Variants in PCDHGA3 observed in about 807,000 individuals in gnomAD.
The protein encoded by PCDHGA3 is protocadherin gamma-A3.
Under a neutral mutation model 58.5 loss-of-function variants are expected in PCDHGA3, and 40 were observed. The observed-to-expected ratio is 0.68, with a 90% CI of 0.53 to 0.89. The LOEUF (loss-of-function observed/expected upper bound fraction) is 0.89, where lower values mean the gene tolerates loss of function less well. PCDHGA3 is among the 40% of genes least tolerant of loss of function. The probability of loss-of-function intolerance (pLI) is 0.00; values close to 1 mark genes in which losing one functional copy is unlikely to be tolerated. For synonymous variants in PCDHGA3, 530 were observed against 525.7 expected (o/e 1.01, Z -0.11); for missense variants, 1,223 against 1,195.9 (o/e 1.02, Z -0.33).
intron 1 of PCDHGA3, chr5:141,361,485 A>G (rs1762045132): frequency 1.9e-6 from 3 of 1,614,034 alleles, no homozygotes; most frequent in Non-Finnish European, 2.5e-6. Flanking sequence ...ATAATGCCCC[A>G]GTTTTCCAAC....
intron 1 of PCDHGA3, among the ~76,000 whole-genome samples, chr5:141,454,773 G>A (rs1272535268): frequency 6.9e-6 from 1 of 144,540 alleles, no homozygotes; most frequent in East Asian, 2.0e-4. Flanking sequence ...TTTTTTACAA[G>A]GAAATAATCC....
chr5:141,392,865 G>A, intron 1 of PCDHGA3: 1 of 1,613,006 alleles, frequency 6.2e-7, no homozygotes, highest in Non-Finnish European at 8.5e-7. Flanking sequence ...CCTGCTGTGC[G>A]CGCTGCTGGG....
chr5:141,349,649 A>G (rs1758332167), intron 1 of PCDHGA3, among the ~76,000 whole-genome samples: 1 of 152,212 alleles, frequency 6.6e-6, no homozygotes, highest in Admixed American at 6.5e-5. Flanking sequence ...GATTTAAAAT[A>G]CTAGATAAGG....
chr5:141,366,162 C>A (rs1037452604), intron 1 of PCDHGA3: 1 of 1,614,110 alleles, frequency 6.2e-7, no homozygotes, highest in South Asian at 1.1e-5. Context: ...CTGCTTAAGG[C>A]CAGCGAGCCA....
At chr5:141,347,137 C>CTCTTTCTTTCTCTCTTTCTT (rs1757891131) in intron 1 of PCDHGA3, among the ~76,000 whole-genome samples, 3 of 113,834 alleles carry the variant, frequency 2.6e-5, no homozygotes, top group Non-Finnish European at 5.2e-5. Flanking sequence ...CTCTGTTTCT[C>CTCTTTCTTTCTCTCTTTCTT]TCTTTCTTTC....
intron 1 of PCDHGA3, chr5:141,351,762 T>G (rs762620794): frequency 6.2e-7 from 1 of 1,613,592 alleles, no homozygotes. Context: ...TTGTCCTACG[T>G]GTCCGTGAGC....
intron 1 of PCDHGA3, chr5:141,404,933 A>C (rs2094586796): frequency 6.2e-7 from 1 of 1,613,764 alleles, no homozygotes; most frequent in Non-Finnish European, 8.5e-7. Flanking sequence ...TGTCACGCTC[A>C]CAGTAGCCAT....
intron 1 of PCDHGA3, chr5:141,364,263 G>A (rs997057589): frequency 4.0e-6 from 6 of 1,505,766 alleles, no homozygotes; most frequent in Admixed American, 4.7e-5. Flanking sequence ...TGTACCCATC[G>A]GCTTTAGATA....
At chr5:141,361,413 C>CG (rs1007927822) in intron 1 of PCDHGA3, 1 of 1,614,020 alleles carries the variant, frequency 6.2e-7, no homozygotes. Context: ...CAGCCACCGA[C>CG]GGGGGCAAGC....
intron 1 of PCDHGA3, chr5:141,375,548 T>C (rs748936121): frequency 1.1e-5 from 17 of 1,613,892 alleles, no homozygotes; most frequent in Non-Finnish European, 9.3e-6. Flanking sequence ...CCAAGTCTCC[T>C]ACTCACTGGC....
chr5:141,437,622 A>G (rs1007643306), intron 1 of PCDHGA3, among the ~76,000 whole-genome samples: 2 of 152,192 alleles, frequency 1.3e-5, no homozygotes, highest in Non-Finnish European at 2.9e-5. Flanking sequence ...TTATCCCCAT[A>G]TAAGATGTCA....
chr5:141,491,544 C>G lies in PCDHGA3; in HGVS notation c.2425-3263C>G, dbSNP rs546391464. The G allele has an allele frequency of 1.1e-5, 17 of 1,614,018 alleles. No individual in the cohort carries two copies. In the Admixed American group the frequency reaches 1.8e-4, roughly 17 times the overall value. Reference sequence around the variant, plus strand: ...TGGAGGTGACGCTGCGGCCCACAGACTCGCAGAGCCACTGCTACAGGACGT... The same window carrying G: ...TGGAGGTGACGCTGCGGCCCACAGAGTCGCAGAGCCACTGCTACAGGACGT... On this transcript the variant is annotated intron_variant, in intron 1 of 3. Transcript: ENST00000253812. The surrounding 1 kb of genome is among the most constrained non-coding windows in gnomAD (Gnocchi z 6.9).
At chr5:141,450,730 G>A (rs1046738914) in intron 1 of PCDHGA3, among the ~76,000 whole-genome samples, 10 of 152,024 alleles carry the variant, frequency 6.6e-5, no homozygotes, top group Non-Finnish European at 1.2e-4. Flanking sequence ...CAGGTGATCC[G>A]CCCGCCTTGG....
intron 1 of PCDHGA3, chr5:141,400,304 G>A (rs760976345): frequency 4.3e-6 from 7 of 1,613,930 alleles, no homozygotes; most frequent in African/African-American, 1.3e-5. Context: ...TTCCAACCTG[G>A]TCTCTGTGTC....
intron 1 of PCDHGA3, among the ~76,000 whole-genome samples, chr5:141,363,323 G>T (rs1463680415): frequency 1.3e-5 from 2 of 152,116 alleles, no homozygotes; most frequent in African/African-American, 4.8e-5. Context: ...CTATGAAAGT[G>T]TTATTAAATA....
intron 1 of PCDHGA3, among the ~76,000 whole-genome samples, chr5:141,358,380 A>G (rs58934519): frequency 0.08 from 12,098 of 152,164 alleles, 632 homozygotes; most frequent in African/African-American, 0.15. Flanking sequence ...ACACTCTACC[A>G]TGCTTTGCTT....
At chr5:141,361,802 A>G (rs368923177) in intron 1 of PCDHGA3, 19 of 1,613,052 alleles carry the variant, frequency 1.2e-5, no homozygotes, top group African/African-American at 9.3e-5. Flanking sequence ...GGCGACCTCA[A>G]TGACAATGCG....
intron 1 of PCDHGA3, chr5:141,430,796 C>T (rs1347347402): frequency 6.6e-6 from 10 of 1,522,232 alleles, no homozygotes; most frequent in Non-Finnish European, 8.8e-6. Flanking sequence ...CTACAAAGGG[C>T]TTGTCCTGCT....
At chr5:141,453,185 C>T (rs2098757478) in intron 1 of PCDHGA3, among the ~76,000 whole-genome samples, 1 of 152,146 alleles carries the variant, frequency 6.6e-6, no homozygotes, top group South Asian at 2.1e-4. Flanking sequence ...ACAATCACAG[C>T]TCACTGCAGC....
Sources: allele counts gnomAD v4.1 joint callset (sites outside exome capture counted in the v4.1 genomes callset), GRCh38; gene constraint gnomAD v4.1.1; non-coding constraint Gnocchi (gnomAD v3.1); transcripts MANE v1.5; gene names NCBI Gene and HGNC (gene_info 2026-07-23, HGNC 2026-07-21).